The following SEMA6A variants were observed in gnomAD, a reference collection of about 807,000 sequenced individuals.
SEMA6A encodes the protein semaphorin-6A.
SEMA6A carries 25 observed loss-of-function variants against 96.8 expected under a neutral mutation model. The ratio of observed to expected loss-of-function variants is 0.26; its 90% CI spans 0.19 to 0.36. The LOEUF is 0.36. Among genes scored for constraint, SEMA6A ranks in the 10% least tolerant of loss-of-function variants. The pLI, the probability that SEMA6A is intolerant of heterozygous loss-of-function variation, is 1.00. For missense variants in SEMA6A, 1,363 were observed against 1,323.1 expected (o/e 1.03, Z -0.47); for synonymous variants, 612 against 518.0 (o/e 1.18, Z -2.46).
chr5:116,480,129 T>C lies in SEMA6A; in HGVS notation c.1243A>G (p.Met415Val), dbSNP rs1193815182. 3.1e-6 allele frequency: 5 copies of C among 1,613,612 alleles called. No homozygotes were observed. The highest frequency in any genetic ancestry group is 1.7e-5 in the Admixed American group (1 of 59,980). ...IFNRPWFLRTMVRYRLTKIAV... is the reference protein window; with the variant it reads ...IFNRPWFLRTVVRYRLTKIAV... ...GGTTTGTTTGACACCCACCTGACCA[T>C]TGTTCTCAGGAACCATGGCCTGTTG... Residue 415 changes from methionine to valine, a missense_variant, in exon 12 of 19, where the codon ATG becomes GTG. Met to Val is a conservative substitution (Grantham distance 21). Coordinates refer to ENST00000343348, the MANE Select transcript of SEMA6A (RefSeq NM_020796.5).
chr5:116,514,101 G>C (rs567969634), intron 1 of SEMA6A, among the ~76,000 whole-genome samples: 1 of 152,242 alleles, frequency 6.6e-6, no homozygotes, highest in South Asian at 2.1e-4. Context: ...ACATATACGT[G>C]CATGTGTCTT....
chr5:116,513,065 A>G (rs1013247319), intron 1 of SEMA6A, among the ~76,000 whole-genome samples: 1 of 152,062 alleles, frequency 6.6e-6, no homozygotes, highest in Non-Finnish European at 1.5e-5. Flanking sequence ...GTTTTGATAC[A>G]GACATGCAAT....
At chr5:116,490,272 T>G (rs1018194046) in intron 7 of SEMA6A, among the ~76,000 whole-genome samples, 2 of 152,192 alleles carry the variant, frequency 1.3e-5, no homozygotes, top group Non-Finnish European at 2.9e-5. Context: ...ACTTTTCTTA[T>G]GGATTTTGAG....
chr5:116,516,317 G>A lies in SEMA6A; in HGVS notation c.-38-11335C>T, dbSNP rs562909341. On this transcript the variant is annotated intron_variant, in intron 1 of 18. Coordinates refer to ENST00000343348, the MANE Select transcript of SEMA6A (RefSeq NM_020796.5). ...TCATCTGTGTATGTCCAGACACATC[G>A]AGAACAGACATGATATGGAAGAATT... 3.6e-4 allele frequency among the ~76,000 whole-genome samples: 55 copies of A among 152,118 alleles called. 1 individual carries two copies. The highest frequency in any genetic ancestry group is 2.3e-3 in the South Asian group (11 of 4,810).
At chr5:116,563,631 AC>A (rs1368638903) in intron 1 of SEMA6A, among the ~76,000 whole-genome samples, 3 of 152,218 alleles carry the variant, frequency 2.0e-5, no homozygotes, top group Non-Finnish European at 4.4e-5. Flanking sequence ...TTCTTAAGCT[AC>A]GTGTGCAATG....
intron 10 of SEMA6A, among the ~76,000 whole-genome samples, chr5:116,486,322 A>G (rs1757046440): frequency 6.6e-6 from 1 of 152,212 alleles, no homozygotes; most frequent in Admixed American, 6.5e-5. Flanking sequence ...TTATTAGATG[A>G]CCTAGAAGAG....
chr5:116,544,223 G>A (rs371863414), intron 1 of SEMA6A, among the ~76,000 whole-genome samples: 2 of 151,926 alleles, frequency 1.3e-5, no homozygotes, highest in African/African-American at 2.4e-5. Flanking sequence ...CGGGGTCTAC[G>A]GCATGGATGC....
chr5:116,540,592 G>A (rs925899806), intron 1 of SEMA6A, among the ~76,000 whole-genome samples: 5 of 152,120 alleles, frequency 3.3e-5, no homozygotes, highest in African/African-American at 1.2e-4. Context: ...AAACATATAT[G>A]GCAAGATAGG....
intron 6 of SEMA6A, among the ~76,000 whole-genome samples, chr5:116,494,042 AGCAGTCATTCTT>A (rs1757460134): frequency 6.6e-6 from 1 of 152,110 alleles, no homozygotes; most frequent in Non-Finnish European, 1.5e-5. Context: ...GAGATGGCCT[AGCAGTCATTCTT>A]GACTCACCTC....
intron 6 of SEMA6A, among the ~76,000 whole-genome samples, chr5:116,492,777 A>G (rs1289319826): frequency 6.6e-6 from 1 of 152,186 alleles, no homozygotes; most frequent in Non-Finnish European, 1.5e-5. Context: ...TGTCACTCTA[A>G]TCAACTTGAT....
chr5:116,503,641 C>T (rs1202352797), intron 2 of SEMA6A, among the ~76,000 whole-genome samples: 10 of 151,794 alleles, frequency 6.6e-5, no homozygotes, highest in African/African-American at 2.4e-4. Context: ...CCTCCTGTAG[C>T]TGGAACTACA....
At position 116,574,733 on chromosome 5, in the gene SEMA6A, C is replaced by G. The variant is rs1413100934; in HGVS notation, c.-587G>C. ...GCGGGCGACCGGCACCGCGGAGGAG[C>G]GCCGCTGCTGGGTTCCGAGCGCCTG... is the stretch of plus-strand genomic sequence containing the variant. On this transcript the variant is annotated 5_prime_UTR_variant, in exon 1 of 19. Coordinates refer to ENST00000343348, the MANE Select transcript of SEMA6A (RefSeq NM_020796.5). The G allele has an allele frequency of 6.6e-6, 1 of 152,348 alleles. No individual in the cohort carries two copies. 9.4% of individuals were successfully genotyped at this position (152,348 alleles called of 1,614,324 possible).
chr5:116,469,304 C>CT (rs1755960002), intron 17 of SEMA6A: 1 of 152,252 alleles, frequency 6.6e-6, no homozygotes, highest in East Asian at 1.9e-4. Context: ...TTATTCTAGA[C>CT]TTTTTGTTTT....
intron 1 of SEMA6A, among the ~76,000 whole-genome samples, chr5:116,563,910 T>C (rs749923596): frequency 3.3e-5 from 5 of 152,208 alleles, no homozygotes; most frequent in Non-Finnish European, 7.4e-5. Flanking sequence ...CTCAGAGATA[T>C]CTGAGGGGAG....
chr5:116,454,120 T>C (rs1261168063), intron 18 of SEMA6A, among the ~76,000 whole-genome samples: 1 of 152,160 alleles, frequency 6.6e-6, no homozygotes, highest in African/African-American at 2.4e-5. Flanking sequence ...AAGTGATTAA[T>C]AGGCATCTGT....
chr5:116,488,764 G>A, intron 8 of SEMA6A, 124 bp downstream of exon 8: 1 of 1,197,424 alleles, frequency 8.4e-7, no homozygotes, highest in Non-Finnish European at 1.1e-6. Flanking sequence ...CAATTTACAT[G>A]TTTCTGTCTG....
At chr5:116,564,538 C>A (rs1391513890) in intron 1 of SEMA6A, among the ~76,000 whole-genome samples, 1 of 152,156 alleles carries the variant, frequency 6.6e-6, no homozygotes, top group Non-Finnish European at 1.5e-5. Context: ...AATTTGCCAA[C>A]CAGAAGCAAG....
intron 18 of SEMA6A, among the ~76,000 whole-genome samples, chr5:116,464,318 TAAAAC>T (rs1182228189): frequency 1.3e-5 from 2 of 152,192 alleles, no homozygotes; most frequent in Non-Finnish European, 2.9e-5. Flanking sequence ...GAACCAGAGA[TAAAAC>T]AGAGCAGTTG....
Position 116,446,504 on chromosome 5 carries a change from G to A in SEMA6A, c.*109C>T, listed in dbSNP as rs559162329. ...AGGACCCAGCGTCCTCGGCTCTGCC[G>A]CAGGCCTTCTTGGTCTGGTGGGTAC... On this transcript the variant is annotated 3_prime_UTR_variant, in exon 19 of 19. Transcript: ENST00000343348. 153 of 951,496 alleles carry A rather than the reference G, an allele frequency of 1.6e-4. No individual in the cohort carries two copies. The highest frequency in any genetic ancestry group is 2.1e-4 in the Non-Finnish European group (142 of 664,350). 58.9% of individuals were successfully genotyped at this position (951,496 alleles called of 1,614,324 possible). A position where few individuals can be genotyped will look rare whatever the true frequency, so the allele number is the denominator to read the frequency against.
Sources: allele counts gnomAD v4.1 joint callset (sites outside exome capture counted in the v4.1 genomes callset), GRCh38; gene constraint gnomAD v4.1.1; transcripts MANE v1.5; gene names NCBI Gene and HGNC (gene_info 2026-07-23, HGNC 2026-07-21).